The following MYO7B variants were observed in gnomAD, a reference collection of about 807,000 sequenced individuals.
The protein encoded by MYO7B is unconventional myosin-VIIb.
Under a neutral mutation model 259.7 loss-of-function variants are expected in MYO7B, and 212 were observed. The ratio of observed to expected loss-of-function variants is 0.82; its 90% confidence interval spans 0.73 to 0.91. MYO7B has a LOEUF of 0.91. MYO7B is among the 40% of genes least tolerant of loss of function. The probability of loss-of-function intolerance (pLI) is 0.00; values close to 1 mark genes in which losing one functional copy is unlikely to be tolerated. For synonymous variants in MYO7B, 1,197 were observed against 1,166.4 expected (o/e 1.03, Z -0.54); for missense variants, 2,732 against 2,813.5 (o/e 0.97, Z 0.66).
At position 127,546,283 on chromosome 2, in the gene MYO7B, T is replaced by C. The variant is rs115712688; in HGVS notation, c.-24+10452T>C. 9.4e-3 allele frequency among the ~76,000 whole-genome samples: 1,428 copies of C among 152,296 alleles called. 22 individuals are homozygous for C. Among genetic ancestry groups the C allele is most frequent in the African/African-American group, 0.032 (1,342 of 41,560 alleles). On this transcript the variant is annotated intron_variant, in intron 1 of 47. Coordinates refer to ENST00000409816, the MANE Select transcript of MYO7B (RefSeq NM_001393586.1). The surrounding 1 kb of genome is among the most constrained non-coding windows in gnomAD (Gnocchi z 4.2). ...TGATCTGTGAAGTGGGATGTCTCCA[T>C]GGACAGCACAGGGTTGCTGTGGGGC... is the stretch of plus-strand genomic sequence containing the variant.
In MYO7B at chr2:127,611,181, T is replaced by C. The variant is rs1392564309; in HGVS notation, c.3193-1069T>C. Among the ~76,000 whole-genome samples, 1 of 152,230 alleles carries C rather than the reference T, an allele frequency of 6.6e-6. No individual in the cohort carries two copies. Among genetic ancestry groups the C allele is most frequent in the Admixed American group, 6.5e-5 (1 of 15,284 alleles). On this transcript the variant is annotated intron_variant, in intron 24 of 47. Transcript: ENST00000409816. The surrounding 1 kb of genome is among the most constrained non-coding windows in gnomAD (Gnocchi z 5.4). Reference sequence around the variant, plus strand: ...ATGTGGGCCTTTCCACAAAGCTGCCTGGGCATCCTCACAACATGGCTTCCC... The same window carrying C: ...ATGTGGGCCTTTCCACAAAGCTGCCCGGGCATCCTCACAACATGGCTTCCC...
Position 127,609,950 on chromosome 2 carries a change from G to A in MYO7B, c.3126G>A (p.Arg1042=). ...GCCAGCAGGGCAGCTCAGTGATGCGGCAGATCCATGACACGCTGGGCAGGG... is the reference window on the plus strand; with the variant it reads ...GCCAGCAGGGCAGCTCAGTGATGCGACAGATCCATGACACGCTGGGCAGGG... ...RSSQQGSSVM[R]QIHDTLGREH... The change falls in exon 24 of 48, where the codon CGG becomes CGA. Residue 1042 remains arginine (R), a synonymous_variant. Transcript: ENST00000409816. The surrounding 1 kb of genome is among the most constrained non-coding windows in gnomAD (Gnocchi z 6.9). 1.9e-6 allele frequency: 3 copies of A among 1,607,540 alleles called. No homozygotes were observed. Among genetic ancestry groups the A allele is most frequent in the East Asian group, 2.2e-5 (1 of 44,538 alleles).
intron 1 of MYO7B, among the ~76,000 whole-genome samples, chr2:127,538,570 CT>C (rs376082743): frequency 2.3e-3 from 328 of 143,908 alleles, no homozygotes; most frequent in Admixed American, 2.4e-3. Context: ...TTGTTTCTTT[CT>C]TTTTTTTTTT....
At chr2:127,543,928 G>T (rs1474575381) in intron 1 of MYO7B, among the ~76,000 whole-genome samples, 1 of 151,832 alleles carries the variant, frequency 6.6e-6, no homozygotes, top group Non-Finnish European at 1.5e-5. Context: ...TGTATTTTTA[G>T]TAGAGACAGG....
intron 1 of MYO7B, among the ~76,000 whole-genome samples, chr2:127,542,508 GC>G (rs1054504010): frequency 6.6e-6 from 1 of 152,210 alleles, no homozygotes; most frequent in Non-Finnish European, 1.5e-5. Context: ...GGGGATGGAA[GC>G]TCAGATATCC....
chr2:127,628,463 G>A lies in MYO7B; in HGVS notation c.4552G>A (p.Val1518Met), dbSNP rs772825415. 2 of 1,574,324 alleles carry A rather than the reference G, an allele frequency of 1.3e-6. No homozygotes were observed. Among genetic ancestry groups the A allele is most frequent in the Non-Finnish European group, 1.7e-6 (2 of 1,160,894 alleles). ...SPSSVAIAEL[V>M]ALFLEGLKER... ...CAGCAGTGTGGCCATCGCTGAGCTG[G>A]TGGCCCTGTTCCTGGAGGGCCTGAA... is the stretch of plus-strand genomic sequence containing the variant. The change falls in exon 34 of 48, where the codon GTG (valine) becomes ATG (methionine). Residue 1518 changes from valine to methionine, a missense_variant. Coordinates refer to ENST00000409816, the MANE Select transcript of MYO7B (RefSeq NM_001393586.1). This position sits in a 1 kb window ranked among gnomAD's most constrained non-coding sequence, Gnocchi z 4.8.
rs768256404 is a variant in MYO7B, at chr2:127,636,325, G to A, written c.6123+1G>A. On this transcript the variant is annotated splice_donor_variant, in intron 45 of 47. Transcript: ENST00000409816. LOFTEE classifies it high-confidence loss of function. The surrounding 1 kb of genome is among the most constrained non-coding windows in gnomAD (Gnocchi z 4.5). ...CGGATCCGCCTTCTTCGAGGTGAAGGTAAACCTTGCCCCACGCCAGGGCCT... is the reference window on the plus strand; with the variant it reads ...CGGATCCGCCTTCTTCGAGGTGAAGATAAACCTTGCCCCACGCCAGGGCCT... The A allele has an allele frequency of 1.2e-6, 2 of 1,612,444 alleles. No homozygotes were observed. Among genetic ancestry groups the A allele is most frequent in the Non-Finnish European group, 1.7e-6 (2 of 1,179,284 alleles).
At chr2:127,598,067 A>G (rs182909813) in intron 19 of MYO7B, among the ~76,000 whole-genome samples, 1 of 152,334 alleles carries the variant, frequency 6.6e-6, no homozygotes, top group African/African-American at 2.4e-5. Context: ...TAAAGCTGTT[A>G]TGAACATTTA....
chr2:127,583,683 C>G (rs1281386935), intron 12 of MYO7B, among the ~76,000 whole-genome samples: 1 of 152,234 alleles, frequency 6.6e-6, no homozygotes, highest in Non-Finnish European at 1.5e-5. Context: ...GGCAGTAGGG[C>G]GTATGCCTGG....
chr2:127,634,173 C>G lies in MYO7B; in HGVS notation c.5512-3C>G. The G allele has an allele frequency of 6.3e-7, 1 of 1,597,870 alleles. No individual in the cohort carries two copies. Among genetic ancestry groups the G allele is most frequent in the African/African-American group, 1.3e-5 (1 of 74,712 alleles). On this transcript the variant is annotated splice_polypyrimidine_tract_variant and splice_region_variant and intron_variant, in intron 40 of 47. Transcript: ENST00000409816. ...GGGCCTCACCAGCTGCCTCTCTGTC[C>G]AGATGCTGGAGGTGGTTGCCAACAC...
chr2:127,622,634 G>T (rs994435002), intron 28 of MYO7B, among the ~76,000 whole-genome samples: 1 of 152,202 alleles, frequency 6.6e-6, no homozygotes, highest in Non-Finnish European at 1.5e-5. Flanking sequence ...GCAGGTGCCC[G>T]CCCTGTGACC....
intron 1 of MYO7B, among the ~76,000 whole-genome samples, chr2:127,545,920 C>A (rs1693211175): frequency 6.6e-6 from 1 of 152,218 alleles, no homozygotes; most frequent in East Asian, 1.9e-4. Context: ...GCCCACTGAC[C>A]AGCCTGGGCT....
At chr2:127,596,977 G>A (rs528695780) in intron 19 of MYO7B, among the ~76,000 whole-genome samples, 7 of 152,390 alleles carry the variant, frequency 4.6e-5, no homozygotes, top group African/African-American at 1.7e-4. Flanking sequence ...TGGATCAGCA[G>A]CGCTGCTGCC....
chr2:127,627,635 A>G lies in MYO7B; in HGVS notation c.4460+325A>G, dbSNP rs1681214590. The G allele has an allele frequency of 2.1e-6, 1 of 482,422 alleles. No homozygotes were observed. The highest frequency in any genetic ancestry group is 4.1e-6 in the Non-Finnish European group (1 of 244,762). 29.9% of individuals were successfully genotyped at this position (482,422 alleles called of 1,614,324 possible). ...TAGAAGGCTCCTTTCTTTGTCATGG[A>G]CGAGAACTGGTGGCCTGGAGGGTAC... On this transcript the variant is annotated intron_variant, in intron 33 of 47. Transcript: ENST00000409816. This position sits in a 1 kb window ranked among gnomAD's most constrained non-coding sequence, Gnocchi z 5.6.
At position 127,582,356 on chromosome 2, in the gene MYO7B, T is replaced by A. The variant is rs1466839293; in HGVS notation, c.1253T>A (p.Ile418Asn). 1.2e-6 allele frequency: 2 copies of A among 1,613,346 alleles called. No homozygotes were observed. The highest frequency in any genetic ancestry group is 1.7e-6 in the Non-Finnish European group (2 of 1,179,746). ...LWIVKKINAA[I>N]FTPPAQDPKN... ...ATTGTCAAGAAGATCAATGCCGCCA[T>A]CTTCACACCACCAGCCCAGGACCCC... Residue 418 changes from isoleucine to asparagine, a missense_variant, in exon 12 of 48, where the codon ATC becomes AAC. By Grantham distance (149) the Ile-to-Asn change is moderately radical (BLOSUM62 -3). Transcript: ENST00000409816.
At chr2:127,552,453 G>C (rs1048277560) in intron 1 of MYO7B, among the ~76,000 whole-genome samples, 1 of 152,152 alleles carries the variant, frequency 6.6e-6, no homozygotes, top group Non-Finnish European at 1.5e-5. Flanking sequence ...GTGAGGAGGG[G>C]CGGTGGAGGC....
At chr2:127,624,410 T>A in intron 30 of MYO7B, 90 bp downstream of exon 30, 7 of 1,089,446 alleles carry the variant, frequency 6.4e-6, no homozygotes, top group Non-Finnish European at 9.2e-6. Context: ...TGAGGCCAGG[T>A]AGAAGGTGGG....
chr2:127,624,291 G>A lies in MYO7B; in HGVS notation c.4018G>A (p.Val1340Ile). The A allele has an allele frequency of 1.3e-6, 2 of 1,584,056 alleles. No homozygotes were observed. Among genetic ancestry groups the A allele is most frequent in the Non-Finnish European group, 1.7e-6 (2 of 1,165,730 alleles). Residue 1340 changes from valine (V) to isoleucine (I), a missense_variant, in exon 30 of 48, where the codon GTC (valine) becomes ATC (isoleucine). This residue lies in a region of MYO7B where 1,906 missense variants were observed against 2,026.4 expected (regional missense o/e 0.94). Transcript: ENST00000409816. Reference sequence around the variant, plus strand: ...TATTTACCGCCAAGTCCTCCGAGGAGTCTGGTCTGGCGAGTACAGCTTCGA... The same window carrying A: ...TATTTACCGCCAAGTCCTCCGAGGAATCTGGTCTGGCGAGTACAGCTTCGA... The part of the protein sequence containing the change: ...ELIYRQVLRG[V>I]WSGEYSFEKE...
rs1181502640 is a variant in MYO7B, at chr2:127,561,137, C to T, written c.18+1397C>T. Among the ~76,000 whole-genome samples the T allele has an allele frequency of 2.6e-5, 4 of 152,146 alleles. No homozygotes were observed. In the East Asian group the frequency reaches 7.7e-4, roughly 29 times the overall value. ...GAATATGCCACGGGATGCATCAACG[C>T]CAAATGTCCCTCTGGGAATGCGACT... On this transcript the variant is annotated intron_variant, in intron 2 of 47. Coordinates refer to ENST00000409816, the MANE Select transcript of MYO7B (RefSeq NM_001393586.1).
Sources: gnomAD v4.1 joint callset for allele counts (sites outside exome capture counted in the v4.1 genomes callset) on GRCh38, gnomAD v4.1.1 for gene constraint, gnomAD v4.1.1 regional missense constraint, Gnocchi (gnomAD v3.1) non-coding constraint, MANE v1.5 for transcripts, NCBI Gene and HGNC (gene_info 2026-07-23, HGNC 2026-07-21) for gene names.